UBE2E2: variants seen among roughly 807,000 people sequenced by gnomAD.
The protein encoded by UBE2E2 is ubiquitin-conjugating enzyme E2 E2.
In UBE2E2, 6 loss-of-function variants were observed where a neutral mutation model predicts 24.7. The observed-to-expected ratio is 0.24, with a 90% CI of 0.13 to 0.48. The LOEUF is 0.48. UBE2E2 is among the 20% of genes least tolerant of loss of function. The pLI, the probability that UBE2E2 is intolerant of heterozygous loss-of-function variation, is 0.99. For missense variants in UBE2E2, 169 were observed against 245.0 expected, an observed-to-expected ratio of 0.69 and a Z score of 2.07; for synonymous variants, 104 against 83.6, an observed-to-expected ratio of 1.24 and a Z score of -1.33.
chr3:23,315,303 A>AGTT (rs1157915846), intron 3 of UBE2E2, among the ~76,000 whole-genome samples: 1 of 133,102 alleles, frequency 7.5e-6, no homozygotes. Context: ...GGTGTGCTTC[A>AGTT]TTTTTTTTTT....
intron 3 of UBE2E2, among the ~76,000 whole-genome samples, chr3:23,469,804 T>C (rs557950929): frequency 1.3e-5 from 2 of 152,302 alleles, no homozygotes; most frequent in East Asian, 1.9e-4. Flanking sequence ...CTATTGCCAA[T>C]TGGGGTTTTG....
chr3:23,529,854 C>A (rs1370060829), intron 4 of UBE2E2, among the ~76,000 whole-genome samples: 1 of 152,130 alleles, frequency 6.6e-6, no homozygotes, highest in African/African-American at 2.4e-5. Flanking sequence ...CTCTGTTGTT[C>A]TTTTACTACC....
At chr3:23,489,901 C>T (rs917516011) in intron 3 of UBE2E2, among the ~76,000 whole-genome samples, 4 of 152,118 alleles carry the variant, frequency 2.6e-5, no homozygotes, top group African/African-American at 9.7e-5. Flanking sequence ...TTCATTTTTC[C>T]TAAGTATTCC....
intron 3 of UBE2E2, among the ~76,000 whole-genome samples, chr3:23,410,561 A>G (rs893342603): frequency 5.7e-4 from 87 of 152,202 alleles, no homozygotes; most frequent in African/African-American, 4.8e-5. Context: ...ATGTTATTAT[A>G]AAGTGTGTAT....
At chr3:23,587,528 G>A (rs2125522897) in intron 5 of UBE2E2, among the ~76,000 whole-genome samples, 1 of 152,288 alleles carries the variant, frequency 6.6e-6, no homozygotes, top group African/African-American at 2.4e-5. Context: ...CCTATCTTGA[G>A]TGATACAGAC....
chr3:23,374,189 T>C (rs1696463905), intron 3 of UBE2E2, among the ~76,000 whole-genome samples: 1 of 152,184 alleles, frequency 6.6e-6, no homozygotes, highest in Admixed American at 6.5e-5. Context: ...ATTTGTCGTA[T>C]TCCCAGCTCT....
chr3:23,272,357 C>T (rs1439568451), intron 3 of UBE2E2, among the ~76,000 whole-genome samples: 7 of 152,184 alleles, frequency 4.6e-5, no homozygotes, highest in East Asian at 1.9e-4. Flanking sequence ...GAGCAACGCA[C>T]GCAGCCCGGG....
intron 3 of UBE2E2, among the ~76,000 whole-genome samples, chr3:23,402,118 T>G (rs1575607163): frequency 6.6e-6 from 1 of 152,168 alleles, no homozygotes; most frequent in Admixed American, 6.5e-5. Context: ...CCTCCCAAAG[T>G]GCTGGGATTA....
chr3:23,378,422 T>C (rs544385576), intron 3 of UBE2E2, among the ~76,000 whole-genome samples: 2 of 152,214 alleles, frequency 1.3e-5, no homozygotes, highest in African/African-American at 2.4e-5. Flanking sequence ...GAAGCTAGAG[T>C]TGAATATGAG....
At chr3:23,203,910 G>T (rs1462938920) in intron 1 of UBE2E2, among the ~76,000 whole-genome samples, 1 of 152,000 alleles carries the variant, frequency 6.6e-6, no homozygotes, top group Non-Finnish European at 1.5e-5. Context: ...GTCTCCTGGC[G>T]AGTGCCGGGT....
At chr3:23,482,092 A>G (rs940066158) in intron 3 of UBE2E2, among the ~76,000 whole-genome samples, 3 of 152,256 alleles carry the variant, frequency 2.0e-5, no homozygotes, top group Non-Finnish European at 4.4e-5. Flanking sequence ...CCATCCTTAG[A>G]CAACTAAGCA....
intron 3 of UBE2E2, among the ~76,000 whole-genome samples, chr3:23,336,559 T>G (rs1411513417): frequency 4.6e-5 from 7 of 152,244 alleles, no homozygotes; most frequent in Non-Finnish European, 1.0e-4. Context: ...TTAGACATAC[T>G]GGTCCTTGCA....
At chr3:23,212,086 T>C (rs1696342126) in intron 2 of UBE2E2, among the ~76,000 whole-genome samples, 1 of 152,228 alleles carries the variant, frequency 6.6e-6, no homozygotes, top group Admixed American at 6.5e-5. Context: ...TTAATAATTG[T>C]AATGCAGTAA....
chr3:23,341,566 A>G (rs1328068289), intron 3 of UBE2E2, among the ~76,000 whole-genome samples: 1 of 152,210 alleles, frequency 6.6e-6, no homozygotes, highest in Non-Finnish European at 1.5e-5. Flanking sequence ...TCTGCATTTG[A>G]GCATCTTATC....
intron 5 of UBE2E2, among the ~76,000 whole-genome samples, chr3:23,551,552 C>A (rs1215214941): frequency 6.6e-6 from 1 of 152,160 alleles, no homozygotes; most frequent in Non-Finnish European, 1.5e-5. Flanking sequence ...CATTTACAAT[C>A]TAAAGAAATG....
At chr3:23,231,716 G>A (rs936807270) in intron 3 of UBE2E2, among the ~76,000 whole-genome samples, 1 of 152,168 alleles carries the variant, frequency 6.6e-6, no homozygotes, top group Non-Finnish European at 1.5e-5. Context: ...TGACTGACTT[G>A]CTTCAAATTA....
At chr3:23,362,167 C>T (rs542711363) in intron 3 of UBE2E2, among the ~76,000 whole-genome samples, 1 of 152,048 alleles carries the variant, frequency 6.6e-6, no homozygotes, top group African/African-American at 2.4e-5. Flanking sequence ...TCTGAGAAAC[C>T]ACATTAGGGT....
At chr3:23,355,609 G>T (rs78137508) in intron 3 of UBE2E2, among the ~76,000 whole-genome samples, 1 of 152,130 alleles carries the variant, frequency 6.6e-6, no homozygotes, top group Admixed American at 6.5e-5. Flanking sequence ...AGAAAATACA[G>T]TTACTTTTTT....
chr3:23,425,511 A>G (rs1341907842), intron 3 of UBE2E2, among the ~76,000 whole-genome samples: 1 of 152,196 alleles, frequency 6.6e-6, no homozygotes, highest in Non-Finnish European at 1.5e-5. Flanking sequence ...AAACTGAAAA[A>G]TTAACAGTTC....
Sources: gnomAD v4.1 joint callset for allele counts (sites outside exome capture counted in the v4.1 genomes callset) on GRCh38, gnomAD v4.1.1 for gene constraint, MANE v1.5 for transcripts, NCBI Gene and HGNC (gene_info 2026-07-23, HGNC 2026-07-21) for gene names.